The following GPR35 variants were observed in gnomAD, a reference collection of about 807,000 sequenced individuals.
The protein encoded by GPR35 is G protein-coupled receptor 35, also known as KYNA receptor.
For missense variants in GPR35, 372 were observed against 422.5 expected (o/e 0.88, Z 1.05); for synonymous variants, 207 against 198.4 (o/e 1.04, Z -0.36).
intron 1 of GPR35, chr2:240,606,239 C>T (rs1197652370): frequency 6.6e-6 from 1 of 152,308 alleles, no homozygotes; most frequent in Non-Finnish European, 1.5e-5. Context: ...TTACCCAGGT[C>T]AAGGCTCAGG....
At position 240,619,165 on chromosome 2, in the gene GPR35, C is replaced by T. The variant is rs75838327; in HGVS notation, c.-5+134C>T. 7.7e-3 allele frequency: 4,245 copies of T among 551,024 alleles called. 107 individuals carry two copies. The highest frequency in any genetic ancestry group is 0.061 in the African/African-American group (3,206 of 52,766). 34.1% of individuals were successfully genotyped at this position (551,024 alleles called of 1,614,324 possible). On this transcript the variant is annotated intron_variant, in intron 5 of 5. Coordinates refer to the GPR35 transcript ENST00000319838. ...AGATCAGTGATCAATGGGTGATATC[C>T]GAGGACGTCTTTCTATTGTGGTCAG... is the stretch of plus-strand genomic sequence containing the variant.
Position 240,632,476 on chromosome 2 carries a change from C to T in GPR35, c.*1594C>T, listed in dbSNP as rs1317339217. On this transcript the variant is annotated 3_prime_UTR_variant, in exon 2 of 2. Transcript: ENST00000407714. ...AGAAGGGCCCATGTCAAGGAGCGTT[C>T]ATGCCCAGGAAGGTCCAGCCCAGGA... Among the ~76,000 whole-genome samples, 1 of 148,608 alleles carries T rather than the reference C, an allele frequency of 6.7e-6. No individual in the cohort carries two copies. The highest frequency in any genetic ancestry group is 1.5e-5 in the Non-Finnish European group (1 of 67,192).
chr2:240,621,590 C>T (rs543212931), upstream of GPR35, among the ~76,000 whole-genome samples: 24 of 152,260 alleles, frequency 1.6e-4, no homozygotes, highest in East Asian at 3.9e-4. Flanking sequence ...ATGCAAAGGA[C>T]GCATGAGGAT....
chr2:240,623,378 CGTG>C (rs1426229811), upstream of GPR35, among the ~76,000 whole-genome samples: 27 of 111,724 alleles, frequency 2.4e-4, no homozygotes, highest in East Asian at 9.5e-4. Flanking sequence ...GCAAACAGGT[CGTG>C]AGGGCGCAAA....
upstream of GPR35, among the ~76,000 whole-genome samples, chr2:240,621,470 G>C (rs1162501615): frequency 6.6e-6 from 1 of 152,148 alleles, no homozygotes; most frequent in African/African-American, 2.4e-5. Context: ...GGCCAGGCTG[G>C]TCTTGAACTC....
upstream of GPR35, among the ~76,000 whole-genome samples, chr2:240,622,376 G>A (rs761314235): frequency 6.6e-6 from 1 of 151,996 alleles, no homozygotes; most frequent in Admixed American, 6.5e-5. Flanking sequence ...CTTTTCTCTG[G>A]CTCTCCCAGG....
In GPR35 at chr2:240,632,472, C is replaced by T. The variant is rs1001141441; in HGVS notation, c.*1590C>T. Among the ~76,000 whole-genome samples the T allele has an allele frequency of 6.8e-6, 1 of 146,058 alleles. No homozygotes were observed. The highest frequency in any genetic ancestry group is 1.5e-5 in the Non-Finnish European group (1 of 66,512). On this transcript the variant is annotated 3_prime_UTR_variant, in exon 2 of 2. Coordinates refer to ENST00000407714, the MANE Select transcript of GPR35 (RefSeq NM_005301.5). ...TACCAGAAGGGCCCATGTCAAGGAGCGTTCATGCCCAGGAAGGTCCAGCCC... is the reference window on the plus strand; with the variant it reads ...TACCAGAAGGGCCCATGTCAAGGAGTGTTCATGCCCAGGAAGGTCCAGCCC...
intron 2 of GPR35, among the ~76,000 whole-genome samples, chr2:240,615,236 G>A (rs1174210573): frequency 5.9e-5 from 9 of 152,140 alleles, no homozygotes; most frequent in Admixed American, 1.3e-4. Flanking sequence ...GCCCCAGCAC[G>A]CTGCCCTCCT....
At chr2:240,628,671 C>A (rs191344319) in intron 1 of GPR35, 12 of 152,184 alleles carry the variant, frequency 7.9e-5, no homozygotes, top group African/African-American at 1.7e-4. Context: ...ATTTGGGGGA[C>A]CTTTTGTGCT....
At chr2:240,623,379 G>A (rs112427320), upstream of GPR35, among the ~76,000 whole-genome samples, 410 of 104,718 alleles carry the variant, frequency 3.9e-3, 5 homozygotes, top group East Asian at 0.016. Context: ...CAAACAGGTC[G>A]TGAGGGCGCA....
chr2:240,618,194 T>C (rs2043258152), intron 4 of GPR35, among the ~76,000 whole-genome samples: 1 of 152,212 alleles, frequency 6.6e-6, no homozygotes, highest in Non-Finnish European at 1.5e-5. Context: ...ACACCAAAAA[T>C]CTCAAACAAT....
At chr2:240,619,999 C>T (rs1186174700) in intron 5 of GPR35, among the ~76,000 whole-genome samples, 2 of 152,204 alleles carry the variant, frequency 1.3e-5, no homozygotes, top group Non-Finnish European at 2.9e-5. Context: ...GGCCAAGGAG[C>T]AGGCAGCTTC....
At position 240,630,911 on chromosome 2, in the gene GPR35, G is replaced by T. The variant is rs747927192; in HGVS notation, c.*29G>T. The T allele has an allele frequency of 5.7e-6, 9 of 1,573,008 alleles. No individual in the cohort carries two copies. In the Admixed American group the frequency reaches 1.1e-4, roughly 19 times the overall value. The stretch of plus-strand genomic sequence containing the variant: ...GCGTGCTGTGGGCGCTGTGGGCCAG[G>T]TCTCGGGGGCTCCGGGAGGTGCTGC... On this transcript the variant is annotated 3_prime_UTR_variant, in exon 2 of 2. Coordinates refer to ENST00000407714, the MANE Select transcript of GPR35 (RefSeq NM_005301.5).
chr2:240,626,061 TG>T (rs1387769950), intron 1 of GPR35, among the ~76,000 whole-genome samples: 7 of 3,278 alleles, frequency 2.1e-3, no homozygotes, highest in African/African-American at 2.9e-3. Context: ...GAGGCTGTGA[TG>T]GGGGTCTCAG....
upstream of GPR35, among the ~76,000 whole-genome samples, chr2:240,623,895 C>G (rs1199103437): frequency 2.6e-5 from 4 of 152,124 alleles, no homozygotes; most frequent in African/African-American, 9.7e-5. Context: ...AGCACAGGTG[C>G]CAGGCCACGT....
rs1212831245 is a variant in GPR35 at position 240,630,321 on chromosome 2, T to C, written c.369T>C (p.Arg123=). The stretch of plus-strand genomic sequence containing the variant: ...ATGTGGCCGTGCGGCACCCGCTGCG[T>C]GCCCGCGGGCTGCGGTCCCCCAGGC... ...DRYVAVRHPL[R]ARGLRSPRQA... Residue 123 remains arginine (R), a synonymous_variant, in exon 2 of 2, where the codon CGT becomes CGC. Transcript: ENST00000407714. 1 of 1,591,222 alleles carries C rather than the reference T, an allele frequency of 6.3e-7. No individual in the cohort carries two copies. Among genetic ancestry groups the C allele is most frequent in the South Asian group, 1.1e-5 (1 of 90,000 alleles).
chr2:240,619,211 C>A (rs181673628), intron 5 of GPR35, among the ~76,000 whole-genome samples: 1 of 152,288 alleles, frequency 6.6e-6, no homozygotes, highest in African/African-American at 2.4e-5. Flanking sequence ...TTTGACCTGA[C>A]TAATGGAGGA....
chr2:240,613,159 G>A (rs759790949), intron 2 of GPR35, among the ~76,000 whole-genome samples: 5 of 152,184 alleles, frequency 3.3e-5, no homozygotes, highest in Non-Finnish European at 5.9e-5. Context: ...CAGAAGATAC[G>A]CGGAACAGGA....
chr2:240,628,455 A>G (rs2043402152), intron 1 of GPR35: 1 of 152,252 alleles, frequency 6.6e-6, no homozygotes, highest in Non-Finnish European at 1.5e-5. Flanking sequence ...GTCAGCAAAT[A>G]TCTGCTGTAC....
Sources: gnomAD v4.1 joint callset for allele counts (sites outside exome capture counted in the v4.1 genomes callset) on GRCh38, gnomAD v4.1.1 for gene constraint, MANE v1.5 for transcripts, NCBI Gene and HGNC (gene_info 2026-07-23, HGNC 2026-07-21) for gene names.